The following PCDHB10 variants were observed in gnomAD, a reference collection of about 807,000 sequenced individuals.
PCDHB10 encodes the protein protocadherin beta-10.
For synonymous variants in PCDHB10, 448 were observed against 449.2 expected, an observed-to-expected ratio of 1.00 and a Z score of 0.04; for missense variants, 1,046 against 1,004.7, an observed-to-expected ratio of 1.04 and a Z score of -0.56.
rs75788551 is a variant in PCDHB10, at chr5:141,195,287, T to C, written c.*332T>C. On this transcript the variant is annotated 3_prime_UTR_variant, in exon 1 of 1. Transcript: ENST00000239446. ...TGATTCTAATCACTTCTGTCTATAGTGTACTTGCTCTATTTAAGAAGGCAT... is the reference window on the plus strand; with the variant it reads ...TGATTCTAATCACTTCTGTCTATAGCGTACTTGCTCTATTTAAGAAGGCAT... The C allele has an allele frequency of 0.015, 2,982 of 202,212 alleles. 46 individuals are homozygous for C. The highest frequency in any genetic ancestry group is 0.04 in the African/African-American group (1,711 of 42,536). 12.5% of individuals were successfully genotyped at this position (202,212 alleles called of 1,614,324 possible).
At position 141,193,602 on chromosome 5, in the gene PCDHB10, A is replaced by G; in HGVS notation, c.1050A>G (p.Ser350=). 2.5e-6 allele frequency: 4 copies of G among 1,614,138 alleles called. No individual in the cohort carries two copies. Among genetic ancestry groups the G allele is most frequent in the Non-Finnish European group, 3.4e-6 (4 of 1,180,032 alleles). ...TNDNPPELIV[S]SFSNSVAENS... Reference sequence around the variant, plus strand: ...ACAATCCCCCTGAACTGATCGTATCATCATTTTCCAACTCTGTTGCTGAGA... The same window carrying G: ...ACAATCCCCCTGAACTGATCGTATCGTCATTTTCCAACTCTGTTGCTGAGA... The change falls in exon 1 of 1, where the codon TCA becomes TCG. Residue 350 remains serine (S), a synonymous_variant. Transcript: ENST00000239446.
Position 141,192,509 on chromosome 5 carries a change from G to C in PCDHB10, c.-44G>C. 6.3e-7 allele frequency: 1 copy of C among 1,591,438 alleles called. No individual in the cohort carries two copies. The highest frequency in any genetic ancestry group is 8.6e-7 in the Non-Finnish European group (1 of 1,169,402). On this transcript the variant is annotated 5_prime_UTR_variant, in exon 1 of 1. Transcript: ENST00000239446. ...TCCTACTGCTGTTCTTTTATGCTGG[G>C]AGCTGTGGCTGTAACCAACTAGGAA...
In PCDHB10 at chr5:141,194,927, G is replaced by T. The variant is rs782184579; in HGVS notation, c.2375G>T (p.Arg792Leu). ...AAGGGTGAAGAAAATTCCACCTTCC[G>T]AAATAGCTTTGGATTTAATATTCAG... ...GRKGEENSTF[R>L]NSFGFNIQ is the part of the protein sequence containing the mutation. The change falls in exon 1 of 1, where the codon CGA (arginine) becomes CTA (leucine). Residue 792 changes from arginine to leucine, a missense_variant. Arg to Leu is a moderately radical substitution (Grantham distance 102, BLOSUM62 -2). Coordinates refer to ENST00000239446, the MANE Select transcript of PCDHB10 (RefSeq NM_018930.4). 1 of 1,611,244 alleles carries T rather than the reference G, an allele frequency of 6.2e-7. No individual in the cohort carries two copies. Among genetic ancestry groups the T allele is most frequent in the East Asian group, 2.2e-5 (1 of 44,850 alleles).
Position 141,193,611 on chromosome 5 carries a change from C to G in PCDHB10, c.1059C>G (p.Ser353=). 6.2e-7 allele frequency: 1 copy of G among 1,614,094 alleles called. No homozygotes were observed. Among genetic ancestry groups the G allele is most frequent in the Non-Finnish European group, 8.5e-7 (1 of 1,180,018 alleles). Residue 353 remains serine, a synonymous_variant, in exon 1 of 1, where the codon TCC becomes TCG. Transcript: ENST00000239446. ...NPPELIVSSF[S]NSVAENSPET... Reference sequence around the variant, plus strand: ...CTGAACTGATCGTATCATCATTTTCCAACTCTGTTGCTGAGAATTCTCCTG... The same window carrying G: ...CTGAACTGATCGTATCATCATTTTCGAACTCTGTTGCTGAGAATTCTCCTG...
rs782510236 is a variant in PCDHB10 at position 141,193,060 on chromosome 5, T to C, written c.508T>C (p.Tyr170His). Residue 170 changes from tyrosine to histidine, a missense_variant, in exon 1 of 1, where the codon TAC becomes CAC. Physicochemically the swap from Tyr to His is moderately conservative, Grantham distance 83. Coordinates refer to ENST00000239446, the MANE Select transcript of PCDHB10 (RefSeq NM_018930.4). ...PDGGLNGIQN[Y>H]TISPNSFFHI... ...TGGAGGACTTAACGGTATCCAAAAC[T>C]ACACGATCAGCCCCAACTCTTTTTT... The C allele has an allele frequency of 4.3e-6, 7 of 1,614,200 alleles. No individual in the cohort carries two copies. The highest frequency in any genetic ancestry group is 5.9e-6 in the Non-Finnish European group (7 of 1,180,036).
chr5:141,193,035 T>C lies in PCDHB10; in HGVS notation c.483T>C (p.Asp161=). The change falls in exon 1 of 1, where the codon GAT becomes GAC. Residue 161 remains aspartate, a synonymous_variant. Transcript: ENST00000239446. ...AFRLERAQDP[D]GGLNGIQNYT... is the part of the protein sequence containing the mutation. ...GACTAGAAAGAGCACAGGATCCAGATGGAGGACTTAACGGTATCCAAAACT... is the reference window on the plus strand; with the variant it reads ...GACTAGAAAGAGCACAGGATCCAGACGGAGGACTTAACGGTATCCAAAACT... 1 of 1,614,186 alleles carries C rather than the reference T, an allele frequency of 6.2e-7. No individual in the cohort carries two copies. Among genetic ancestry groups the C allele is most frequent in the South Asian group, 1.1e-5 (1 of 91,082 alleles).
Position 141,193,465 on chromosome 5 carries a change from G to T in PCDHB10, c.913G>T (p.Glu305Ter), listed in dbSNP as rs782557119. Residue 305 changes from glutamate to a stop codon, truncating the protein, a stop_gained, in exon 1 of 1, where the codon GAA becomes TAA. Transcript: ENST00000239446. LOFTEE classifies it low-confidence loss of function (END_TRUNC). Reference protein sequence around the residue: ...NPFSGEIFLRELLDYELVNSY... With the variant: ...NPFSGEIFLR ...TTTTTCTGGGGAAATCTTTCTCAGAGAATTGCTTGATTATGAGTTAGTAAA... is the reference window on the plus strand; with the variant it reads ...TTTTTCTGGGGAAATCTTTCTCAGATAATTGCTTGATTATGAGTTAGTAAA... 5.6e-6 allele frequency: 9 copies of T among 1,614,122 alleles called. No individual in the cohort carries two copies. The South Asian group carries it at 8.8e-5, about 16-fold the overall frequency.
rs782394188 is a variant in PCDHB10 at position 141,193,380 on chromosome 5, A to G, written c.828A>G (p.Glu276=). 2 of 1,614,220 alleles carry G rather than the reference A, an allele frequency of 1.2e-6. No individual in the cohort carries two copies. The highest frequency in any genetic ancestry group is 8.5e-7 in the Non-Finnish European group (1 of 1,180,030). Residue 276 remains glutamate, a synonymous_variant, in exon 1 of 1, where the codon GAA becomes GAG. Transcript: ENST00000239446. ...ATGTAGACTCTGGAGTCAACGCGGA[A>G]GTATCCTATTCATTTTTTGATGCCT... ...AEDVDSGVNA[E]VSYSFFDASE... is the part of the protein sequence containing the mutation.
rs781856099 is a variant in PCDHB10 at position 141,192,778 on chromosome 5, C to A, written c.226C>A (p.Leu76Ile). 6.2e-7 allele frequency: 1 copy of A among 1,607,508 alleles called. No homozygotes were observed. The change falls in exon 1 of 1, where the codon CTC becomes ATC. Residue 76 changes from leucine (L) to isoleucine (I), a missense_variant. Transcript: ENST00000239446. ...VVSDDNKQYL[L>I]LDSHTGNLLT... Reference sequence around the variant, plus strand: ...TTCCGATGATAACAAACAATACCTGCTCCTGGATTCACATACCGGGAATTT... The same window carrying A: ...TTCCGATGATAACAAACAATACCTGATCCTGGATTCACATACCGGGAATTT...
rs565326005 is a variant in PCDHB10 at position 141,193,290 on chromosome 5, G to C, written c.738G>C (p.Leu246=). Residue 246 remains leucine, a synonymous_variant, in exon 1 of 1, where the codon CTG becomes CTC. Transcript: ENST00000239446. ...ATGCCCCACAGTTTGCCCAGGCTCT[G>C]TATGAGACCCAGGCTCCAGAAAACA... ...NDNAPQFAQA[L]YETQAPENSP... is the part of the protein sequence containing the mutation. The C allele has an allele frequency of 6.2e-7, 1 of 1,614,090 alleles. No individual in the cohort carries two copies. The highest frequency in any genetic ancestry group is 1.3e-5 in the African/African-American group (1 of 75,002).
Position 141,193,041 on chromosome 5 carries a change from A to G in PCDHB10, c.489A>G (p.Gly163=), listed in dbSNP as rs781793497. 5 of 1,614,060 alleles carry G rather than the reference A, an allele frequency of 3.1e-6. No individual in the cohort carries two copies. The African/African-American group carries it at 5.3e-5, about 17-fold the overall frequency. Residue 163 remains glycine (G), a synonymous_variant, in exon 1 of 1, where the codon GGA becomes GGG. Coordinates refer to ENST00000239446, the MANE Select transcript of PCDHB10 (RefSeq NM_018930.4). Reference sequence around the variant, plus strand: ...AAAGAGCACAGGATCCAGATGGAGGACTTAACGGTATCCAAAACTACACGA... The same window carrying G: ...AAAGAGCACAGGATCCAGATGGAGGGCTTAACGGTATCCAAAACTACACGA... ...RLERAQDPDG[G]LNGIQNYTIS...
rs1554284436 is a variant in PCDHB10 at position 141,194,569 on chromosome 5, C to T, written c.2017C>T (p.Leu673Phe). 2 of 1,569,898 alleles carry T rather than the reference C, an allele frequency of 1.3e-6. No homozygotes were observed. The highest frequency in any genetic ancestry group is 1.7e-6 in the Non-Finnish European group (2 of 1,163,270). Residue 673 changes from leucine to phenylalanine, a missense_variant, in exon 1 of 1, where the codon CTC becomes TTC. Transcript: ENST00000239446. ...CGGCTTCTCCCAGCCCTACCTGCCT[C>T]TCCCGGAGGCGGCCCCGGCCCAGGC... Reference protein sequence around the residue: ...VDGFSQPYLPLPEAAPAQAQA... With the variant: ...VDGFSQPYLPFPEAAPAQAQA...
chr5:141,193,185 C>A lies in PCDHB10; in HGVS notation c.633C>A (p.Thr211=). Residue 211 remains threonine (T), a synonymous_variant, in exon 1 of 1, where the codon ACC becomes ACA. Transcript: ENST00000239446. ...DREEQGELSL[T]LTALDGGSPS... is the part of the protein sequence containing the mutation. ...AGGAGCAGGGAGAGCTCAGCTTAAC[C>A]CTCACAGCGCTGGATGGTGGGTCTC... 6.2e-7 allele frequency: 1 copy of A among 1,613,998 alleles called. No individual in the cohort carries two copies. The highest frequency in any genetic ancestry group is 1.1e-5 in the South Asian group (1 of 91,074).
At position 141,193,758 on chromosome 5, in the gene PCDHB10, C is replaced by A; in HGVS notation, c.1206C>A (p.Ile402=). ...LLKPSVENFY[I]LITEGALDRE... is the part of the protein sequence containing the mutation. ...AACCTTCTGTGGAGAATTTTTACAT[C>A]CTAATTACAGAAGGCGCGCTGGACA... Residue 402 remains isoleucine (I), a synonymous_variant, in exon 1 of 1, where the codon ATC becomes ATA. Transcript: ENST00000239446. 1 of 1,614,168 alleles carries A rather than the reference C, an allele frequency of 6.2e-7. No homozygotes were observed. Among genetic ancestry groups the A allele is most frequent in the South Asian group, 1.1e-5 (1 of 91,084 alleles).
chr5:141,193,725 C>T lies in PCDHB10; in HGVS notation c.1173C>T (p.Phe391=), dbSNP rs139481353. 35 of 1,614,036 alleles carry T rather than the reference C, an allele frequency of 2.2e-5. No homozygotes were observed. The highest frequency in any genetic ancestry group is 5.5e-5 in the South Asian group (5 of 91,088). The stretch of plus-strand genomic sequence containing the variant: ...GCTACATTCAAGAGAATCTGCCATT[C>T]CTACTAAAACCTTCTGTGGAGAATT... ...MVCYIQENLP[F]LLKPSVENFY... is the part of the protein sequence containing the mutation. Residue 391 remains phenylalanine, a synonymous_variant, in exon 1 of 1, where the codon TTC becomes TTT. Coordinates refer to ENST00000239446, the MANE Select transcript of PCDHB10 (RefSeq NM_018930.4).
Position 141,193,567 on chromosome 5 carries a change from G to C in PCDHB10, c.1015G>C (p.Asp339His). ...ARCRVLVEVLDTNDNPPELIV... is the reference protein window; with the variant it reads ...ARCRVLVEVLHTNDNPPELIV... ...ATGTAGGGTTTTAGTGGAAGTATTGGACACCAATGACAATCCCCCTGAACT... is the reference window on the plus strand; with the variant it reads ...ATGTAGGGTTTTAGTGGAAGTATTGCACACCAATGACAATCCCCCTGAACT... The change falls in exon 1 of 1, where the codon GAC (aspartate) becomes CAC (histidine). Residue 339 changes from aspartate to histidine, a missense_variant. Physicochemically the swap from Asp to His is moderately conservative, Grantham distance 81 (BLOSUM62 -1). Coordinates refer to ENST00000239446, the MANE Select transcript of PCDHB10 (RefSeq NM_018930.4). The C allele has an allele frequency of 6.2e-7, 1 of 1,614,090 alleles. No homozygotes were observed. Among genetic ancestry groups the C allele is most frequent in the Non-Finnish European group, 8.5e-7 (1 of 1,180,024 alleles).
Position 141,192,563 on chromosome 5 carries a change from G to T in PCDHB10, c.11G>T (p.Arg4Ile). Residue 4 changes from arginine (R) to isoleucine (I), a missense_variant, in exon 1 of 1, where the codon AGA becomes ATA. By Grantham distance (97) the Arg-to-Ile change is moderately conservative. Coordinates refer to ENST00000239446, the MANE Select transcript of PCDHB10 (RefSeq NM_018930.4). ...ACGTATGCAGCAGCTATGGCTGTCA[G>T]AGAGTTGTGCTTCCCAAGACAAAGG... MAV[R>I]ELCFPRQRQV... The T allele has an allele frequency of 6.2e-7, 1 of 1,613,638 alleles. No individual in the cohort carries two copies. Among genetic ancestry groups the T allele is most frequent in the African/African-American group, 1.3e-5 (1 of 74,928 alleles).
chr5:141,193,744 GA>G lies in PCDHB10; in HGVS notation c.1193del (p.Glu398GlyfsTer6). ...NLPFLLKPSV[E>X]NFYILITEGA... Reference sequence around the variant, plus strand: ...GCCATTCCTACTAAAACCTTCTGTGGAGAATTTTTACATCCTAATTACAGAA... The same window carrying G: ...GCCATTCCTACTAAAACCTTCTGTGGGAATTTTTACATCCTAATTACAGAA... On this transcript the variant is annotated frameshift_variant, in exon 1 of 1. Coordinates refer to ENST00000239446, the MANE Select transcript of PCDHB10 (RefSeq NM_018930.4). LOFTEE classifies it low-confidence loss of function (END_TRUNC). 1 of 1,614,170 alleles carries G rather than the reference GA, an allele frequency of 6.2e-7. No individual in the cohort carries two copies. The highest frequency in any genetic ancestry group is 8.5e-7 in the Non-Finnish European group (1 of 1,180,038).
rs781984504 is a variant in PCDHB10, at chr5:141,193,027, G to A, written c.475G>A (p.Asp159Asn). 1.4e-5 allele frequency: 22 copies of A among 1,614,042 alleles called. No individual in the cohort carries two copies. The Admixed American group carries it at 3.5e-4, about 26-fold the overall frequency. ...GTAFRLERAQ[D>N]PDGGLNGIQN... ...AGCATTTAGACTAGAAAGAGCACAG[G>A]ATCCAGATGGAGGACTTAACGGTAT... Residue 159 changes from aspartate (D) to asparagine (N), a missense_variant, in exon 1 of 1, where the codon GAT becomes AAT. Asp to Asn is a conservative substitution (Grantham distance 23). Coordinates refer to ENST00000239446, the MANE Select transcript of PCDHB10 (RefSeq NM_018930.4).
Sources: allele counts gnomAD v4.1 joint callset, GRCh38; gene constraint gnomAD v4.1.1; transcripts MANE v1.5; gene names NCBI Gene and HGNC (gene_info 2026-07-23, HGNC 2026-07-21).